The following CNOT11 variants were observed in gnomAD, a reference collection of about 807,000 sequenced individuals.
CNOT11 encodes CCR4-NOT transcription complex subunit 11.
CNOT11 carries 18 observed loss-of-function variants against 44.6 expected under a neutral mutation model. That is an observed-to-expected ratio of 0.40 (90% CI 0.28 to 0.60). CNOT11 has a LOEUF of 0.60. Among genes scored for constraint, CNOT11 ranks in the 20% least tolerant of loss-of-function variants. The pLI, the probability that CNOT11 is intolerant of heterozygous loss-of-function variation, is 0.38. For missense variants in CNOT11, 513 were observed against 677.0 expected, an observed-to-expected ratio of 0.76 and a Z score of 2.69; for synonymous variants, 291 against 270.9, an observed-to-expected ratio of 1.07 and a Z score of -0.73.
chr2:101,260,876 A>G (rs1395367912), intron 2 of CNOT11, among the ~76,000 whole-genome samples: 1 of 148,994 alleles, frequency 6.7e-6, no homozygotes, highest in Admixed American at 6.7e-5. Flanking sequence ...AACTTTTTGT[A>G]CTTCAACAAT....
Position 101,253,236 on chromosome 2 carries a change from C to G in CNOT11, c.272C>G (p.Ala91Gly). ...AGCACCTTCGAGGGCCTGTCCACCG[C>G]CTTCCACCACTACTTCAGCAAGGCC... is the stretch of plus-strand genomic sequence containing the variant. Reference protein sequence around the residue: ...GGSTFEGLSTAFHHYFSKADH... With the variant: ...GGSTFEGLSTGFHHYFSKADH... Residue 91 changes from alanine (A) to glycine (G), a missense_variant, in exon 1 of 7, where the codon GCC (alanine) becomes GGC (glycine). Coordinates refer to ENST00000289382, the MANE Select transcript of CNOT11 (RefSeq NM_017546.5). The surrounding 1 kb of genome is among the most constrained non-coding windows in gnomAD (Gnocchi z 4.3). 6.2e-7 allele frequency: 1 copy of G among 1,611,730 alleles called. No individual in the cohort carries two copies. The highest frequency in any genetic ancestry group is 1.3e-5 in the African/African-American group (1 of 74,830).
chr2:101,268,914 CTA>C, intron 5 of CNOT11, 124 bp from the exon 6 acceptor site: 3 of 613,056 alleles, frequency 4.9e-6, no homozygotes, highest in Non-Finnish European at 8.6e-6. Context: ...ATATTTAAAA[CTA>C]GGGAATTGGA....
intron 1 of CNOT11, among the ~76,000 whole-genome samples, chr2:101,256,947 C>T (rs376446597): frequency 6.6e-6 from 1 of 151,080 alleles, no homozygotes; most frequent in East Asian, 2.0e-4. Context: ...TACTCGGGAG[C>T]CAGAGGCAGG....
chr2:101,261,850 T>C (rs929290726), intron 2 of CNOT11, among the ~76,000 whole-genome samples: 3 of 142,112 alleles, frequency 2.1e-5, no homozygotes, highest in Admixed American at 7.0e-5. Flanking sequence ...CTTTCTTTTT[T>C]TTTTTTTTTT....
At chr2:101,259,293 G>C (rs1681799997) in intron 2 of CNOT11, among the ~76,000 whole-genome samples, 1 of 152,168 alleles carries the variant, frequency 6.6e-6, no homozygotes, top group Non-Finnish European at 1.5e-5. Context: ...CTGTAGCTTT[G>C]TACTAAGTTT....
chr2:101,263,706 A>G (rs922387263), intron 3 of CNOT11, among the ~76,000 whole-genome samples: 1 of 152,226 alleles, frequency 6.6e-6, no homozygotes, highest in Non-Finnish European at 1.5e-5. Flanking sequence ...TTTGACATAC[A>G]TAGGTTTAAT....
At chr2:101,255,567 G>C (rs1192021713) in intron 1 of CNOT11, among the ~76,000 whole-genome samples, 1 of 152,066 alleles carries the variant, frequency 6.6e-6, no homozygotes, top group East Asian at 1.9e-4. Context: ...ATGGTGTGTA[G>C]ATAACATAGA....
chr2:101,265,152 G>A, intron 4 of CNOT11, 105 bp downstream of exon 4: 2 of 718,398 alleles, frequency 2.8e-6, no homozygotes, highest in Non-Finnish European at 4.2e-6. Flanking sequence ...CCAGGGTGGA[G>A]TGCAGTGGCA....
intron 3 of CNOT11, among the ~76,000 whole-genome samples, 170 bp downstream of exon 3, chr2:101,262,861 G>A (rs1681899723): frequency 6.6e-6 from 1 of 152,164 alleles, no homozygotes; most frequent in Non-Finnish European, 1.5e-5. Flanking sequence ...GATGTTCAGT[G>A]ACAGTTAATT....
chr2:101,262,304 CAT>C, intron 2 of CNOT11: 1 of 461,042 alleles, frequency 2.2e-6, no homozygotes, highest in East Asian at 3.4e-5. Context: ...TTTATTATAA[CAT>C]TGATAAAAAT....
chr2:101,260,577 T>G (rs930275438), intron 2 of CNOT11, among the ~76,000 whole-genome samples: 6 of 152,096 alleles, frequency 3.9e-5, no homozygotes, highest in African/African-American at 1.4e-4. Context: ...CCAGATCTTC[T>G]CTCTGGAGGT....
chr2:101,253,038 C>T lies in CNOT11; in HGVS notation c.74C>T (p.Ala25Val), dbSNP rs762145829. The part of the protein sequence containing the change: ...TAAEQRGSRE[A>V]AGSASRSGFG... The stretch of plus-strand genomic sequence containing the variant: ...GCGGAGCAAAGAGGGTCCCGGGAAG[C>T]GGCAGGGTCGGCGTCCAGGAGCGGC... The change falls in exon 1 of 7, where the codon GCG becomes GTG. Residue 25 changes from alanine to valine, a missense_variant. Physicochemically the swap from Ala to Val is moderately conservative, Grantham distance 64. Coordinates refer to ENST00000289382, the MANE Select transcript of CNOT11 (RefSeq NM_017546.5). The surrounding 1 kb of genome is among the most constrained non-coding windows in gnomAD (Gnocchi z 4.3). The T allele has an allele frequency of 1.3e-6, 2 of 1,514,878 alleles. No individual in the cohort carries two copies. The highest frequency in any genetic ancestry group is 4.1e-5 in the Admixed American group (2 of 48,946). The allele number at this position is 1,514,878 out of a possible 1,614,324, so 93.8% of individuals were successfully genotyped here.
chr2:101,259,534 G>C (rs1055670778), intron 2 of CNOT11, among the ~76,000 whole-genome samples: 2 of 152,220 alleles, frequency 1.3e-5, no homozygotes, highest in African/African-American at 4.8e-5. Flanking sequence ...TTTCTCACTT[G>C]AGAGCAACTC....
chr2:101,268,953 C>T, intron 5 of CNOT11, 87 bp from the exon 6 acceptor site: 1 of 846,714 alleles, frequency 1.2e-6, no homozygotes, highest in South Asian at 1.8e-5. Context: ...ACCAGATGAC[C>T]AAAGCAAATT....
intron 4 of CNOT11, 44 bp from the exon 5 acceptor site, chr2:101,266,633 T>C: frequency 1.3e-6 from 2 of 1,492,562 alleles, no homozygotes; most frequent in Non-Finnish European, 1.9e-6. Context: ...CTCAACACCC[T>C]TTCTCTCTCC....
At chr2:101,254,012 C>A (rs537385471) in intron 1 of CNOT11, among the ~76,000 whole-genome samples, 33 of 152,188 alleles carry the variant, frequency 2.2e-4, no homozygotes, top group Non-Finnish European at 4.3e-4. Flanking sequence ...TTTGGAAACA[C>A]ATGACTTACT....
chr2:101,259,934 G>A (rs1324962710), intron 2 of CNOT11, among the ~76,000 whole-genome samples: 2 of 151,950 alleles, frequency 1.3e-5, no homozygotes, highest in Non-Finnish European at 2.9e-5. Context: ...TTGTGGTCCC[G>A]GCTACCCAGG....
intron 1 of CNOT11, among the ~76,000 whole-genome samples, chr2:101,255,817 G>T (rs866780036): frequency 9.9e-5 from 15 of 152,090 alleles, no homozygotes; most frequent in African/African-American, 3.1e-4. Flanking sequence ...GGGAGGGCAG[G>T]AGTAGCTCTG....
intron 5 of CNOT11, 70 bp from the exon 6 acceptor site, chr2:101,268,970 T>C: frequency 1.0e-6 from 1 of 999,268 alleles, no homozygotes; most frequent in South Asian, 1.5e-5. Flanking sequence ...AATTTTGTAT[T>C]TTATGGTTAA....
Sources: gnomAD v4.1 joint callset for allele counts (sites outside exome capture counted in the v4.1 genomes callset) on GRCh38, gnomAD v4.1.1 for gene constraint, Gnocchi (gnomAD v3.1) non-coding constraint, MANE v1.5 for transcripts, NCBI Gene and HGNC (gene_info 2026-07-23, HGNC 2026-07-21) for gene names.